NRCAM: variants seen among roughly 807,000 people sequenced by gnomAD.
NRCAM encodes the protein NgCAM-related cell adhesion molecule.
A neutral mutation model predicts 156.5 loss-of-function variants in NRCAM; 83 were observed. The observed-to-expected ratio is 0.53, with a 90% CI of 0.44 to 0.64. The LOEUF is 0.64. NRCAM is among the 30% of genes least tolerant of loss of function. The pLI is 0.00. For missense variants in NRCAM, 1,417 were observed against 1,597.3 expected (o/e 0.89, Z 1.92); for synonymous variants, 538 against 563.9 (o/e 0.95, Z 0.65).
intron 10 of NRCAM, 93 bp from the exon 11 acceptor site, chr7:108,223,929 C>A (rs1371279021): frequency 1.5e-6 from 1 of 675,560 alleles, no homozygotes; most frequent in Non-Finnish European, 2.7e-6. Flanking sequence ...AATTCCAATC[C>A]CTTTTTAAGC....
chr7:108,220,232 A>G (rs774489935), intron 11 of NRCAM, among the ~76,000 whole-genome samples: 1 of 152,222 alleles, frequency 6.6e-6, no homozygotes, highest in Non-Finnish European at 1.5e-5. Flanking sequence ...TCCCATGCTC[A>G]TGGAAGAGTA....
At chr7:108,446,626 T>G (rs1844496469) in intron 1 of NRCAM, among the ~76,000 whole-genome samples, 1 of 152,200 alleles carries the variant, frequency 6.6e-6, no homozygotes, top group Non-Finnish European at 1.5e-5. Flanking sequence ...GATGACTAGT[T>G]ATCTGCTTTT....
intron 31 of NRCAM, 22 bp from the exon 32 acceptor site, chr7:108,159,563 T>C (rs2047584016): frequency 6.4e-7 from 1 of 1,560,376 alleles, no homozygotes; most frequent in Non-Finnish European, 8.8e-7. Context: ...CAAAATGGTA[T>C]TATTATCTGT....
intron 2 of NRCAM, among the ~76,000 whole-genome samples, chr7:108,324,042 G>GA (rs1256633585): frequency 1.3e-5 from 2 of 152,028 alleles, no homozygotes; most frequent in African/African-American, 4.8e-5. Context: ...TGAAGTAAGG[G>GA]ATGGAAAGGG....
At chr7:108,356,314 ATTG>A (rs1250799466) in intron 2 of NRCAM, among the ~76,000 whole-genome samples, 3 of 152,218 alleles carry the variant, frequency 2.0e-5, no homozygotes, top group Non-Finnish European at 2.9e-5. Flanking sequence ...TGCTGTTATA[ATTG>A]TTCTATTATT....
intron 3 of NRCAM, among the ~76,000 whole-genome samples, chr7:108,253,025 A>C (rs1279475147): frequency 2.0e-5 from 3 of 152,262 alleles, no homozygotes; most frequent in African/African-American, 4.8e-5. Context: ...GACAGAACTT[A>C]AAGGGAAGAG....
chr7:108,199,202 C>T (rs1233236574), intron 13 of NRCAM, among the ~76,000 whole-genome samples: 1 of 152,146 alleles, frequency 6.6e-6, no homozygotes, highest in African/African-American at 2.4e-5. Flanking sequence ...GCATCTAAGA[C>T]ACACTCATCA....
intron 3 of NRCAM, among the ~76,000 whole-genome samples, chr7:108,289,500 AAAATTTTGT>A (rs1183910484): frequency 6.6e-6 from 1 of 152,160 alleles, no homozygotes; most frequent in African/African-American, 2.4e-5. Context: ...CCATCTAGCT[AAAATTTTGT>A]AAATTTTGAC....
Position 108,280,449 on chromosome 7 carries a change from G to A in NRCAM, c.-107+32216C>T, listed in dbSNP as rs188683114. 2.0e-4 allele frequency among the ~76,000 whole-genome samples: 31 copies of A among 152,312 alleles called. No individual in the cohort carries two copies. In the East Asian group the frequency reaches 5.8e-3, roughly 28 times the overall value. ...AGCAGTCAGCCCATGCTATTCAATT[G>A]TGCTACAACTACCTTTAAAAAGAAT... On this transcript the variant is annotated intron_variant, in intron 3 of 32. Coordinates refer to ENST00000379028, the MANE Select transcript of NRCAM (RefSeq NM_001037132.4).
In NRCAM at chr7:108,191,780, C is replaced by G. The variant is rs2071796110; in HGVS notation, c.1852G>C (p.Ala618Pro). 1.2e-6 allele frequency: 2 copies of G among 1,613,848 alleles called. No homozygotes were observed. The change falls in exon 18 of 33, where the codon GCC becomes CCC. Residue 618 changes from alanine to proline, a missense_variant. Coordinates refer to ENST00000379028, the MANE Select transcript of NRCAM (RefSeq NM_001037132.4). ...DDDSGTYTCV[A>P]NTTLDSVSAS... ...GAGACGCTGTCCAGAGTGGTGTTGG[C>G]CACACACGTGTAGGTCCCGCTGTCA...
chr7:108,273,788 T>G (rs997633615), intron 3 of NRCAM, among the ~76,000 whole-genome samples: 6 of 152,350 alleles, frequency 3.9e-5, no homozygotes, highest in Admixed American at 1.3e-4. Context: ...TGCCATTGCT[T>G]TTGGTGTTTT....
intron 2 of NRCAM, among the ~76,000 whole-genome samples, chr7:108,387,410 A>AT (rs1324666407): frequency 6.6e-6 from 1 of 152,110 alleles, no homozygotes; most frequent in Non-Finnish European, 1.5e-5. Context: ...CTATTTATGG[A>AT]TTACTTATAG....
intron 2 of NRCAM, among the ~76,000 whole-genome samples, chr7:108,392,522 C>T (rs1425531539): frequency 2.0e-5 from 3 of 152,194 alleles, no homozygotes; most frequent in Non-Finnish European, 4.4e-5. Context: ...TTTGAACATC[C>T]TCCTTTAGCT....
chr7:108,177,605 A>G (rs1191253947), intron 26 of NRCAM, among the ~76,000 whole-genome samples: 2 of 150,508 alleles, frequency 1.3e-5, no homozygotes, highest in Middle Eastern at 3.5e-3. Flanking sequence ...CCTGGGTGAC[A>G]GAGCGAGACT....
intron 8 of NRCAM, 102 bp downstream of exon 8, chr7:108,230,929 A>T (rs971592141): frequency 1.2e-6 from 1 of 863,152 alleles, no homozygotes; most frequent in South Asian, 1.8e-5. Context: ...TTTCCTGAGC[A>T]TCTCTAAAAC....
intron 3 of NRCAM, among the ~76,000 whole-genome samples, chr7:108,298,489 CAA>C (rs34020229): frequency 5.5e-4 from 78 of 142,962 alleles, no homozygotes; most frequent in Non-Finnish European, 4.6e-4. Flanking sequence ...AATAAAAATA[CAA>C]AAAAAAAAAA....
At chr7:108,281,769 G>A (rs904091484) in intron 3 of NRCAM, among the ~76,000 whole-genome samples, 8 of 152,226 alleles carry the variant, frequency 5.3e-5, no homozygotes, top group East Asian at 1.9e-4. Flanking sequence ...GGCCTGAGCC[G>A]GGGAAGGGGC....
intron 2 of NRCAM, among the ~76,000 whole-genome samples, chr7:108,378,019 A>C (rs937169536): frequency 2.6e-4 from 39 of 152,164 alleles, no homozygotes; most frequent in African/African-American, 8.9e-4. Context: ...AAAGATATGC[A>C]CCCTCATAGC....
chr7:108,215,670 G>A (rs1449900842), intron 11 of NRCAM, among the ~76,000 whole-genome samples: 1 of 149,034 alleles, frequency 6.7e-6, no homozygotes, highest in Admixed American at 6.7e-5. Flanking sequence ...TAATACCCTT[G>A]TCTTTTTTGA....
Sources: allele counts gnomAD v4.1 joint callset (sites outside exome capture counted in the v4.1 genomes callset), GRCh38; gene constraint gnomAD v4.1.1; transcripts MANE v1.5; gene names NCBI Gene and HGNC (gene_info 2026-07-23, HGNC 2026-07-21).